COL4A2: variants seen among roughly 807,000 people sequenced by gnomAD.
COL4A2 encodes the protein collagen type IV alpha 2 chain, also known as collagen alpha-2(IV) chain.
Under a neutral mutation model 200.2 loss-of-function variants are expected in COL4A2, and 99 were observed. The ratio of observed to expected loss-of-function variants is 0.49; its 90% CI spans 0.42 to 0.58. COL4A2 has a LOEUF of 0.58. COL4A2 is among the 20% of genes least tolerant of loss of function. The probability of loss-of-function intolerance (pLI) is 0.00; values close to 1 mark genes in which losing one functional copy is unlikely to be tolerated. For missense variants in COL4A2, 1,950 were observed against 2,314.1 expected, an observed-to-expected ratio of 0.84 and a Z score of 3.23; for synonymous variants, 897 against 900.6, an observed-to-expected ratio of 1.00 and a Z score of 0.07.
At chr13:110,333,610 G>A (rs950794532) in intron 3 of COL4A2, among the ~76,000 whole-genome samples, 4 of 152,204 alleles carry the variant, frequency 2.6e-5, no homozygotes, top group Middle Eastern at 3.4e-3. Context: ...CCCTGGCTAC[G>A]ACCTACTGCA....
chr13:110,485,050 A>G (rs1445798126), intron 33 of COL4A2, 23 bp downstream of exon 33: 8 of 1,557,938 alleles, frequency 5.1e-6, no homozygotes, highest in South Asian at 1.2e-5. Context: ...ACCTGCAGCC[A>G]GGGGCCCCTA....
chr13:110,350,046 A>G (rs893926683), intron 3 of COL4A2, among the ~76,000 whole-genome samples: 3 of 152,186 alleles, frequency 2.0e-5, no homozygotes, highest in African/African-American at 7.2e-5. Flanking sequence ...TACAGGCGTG[A>G]GCCACCACAC....
At chr13:110,351,222 T>TGTTTGTTA (rs1876946043) in intron 3 of COL4A2, among the ~76,000 whole-genome samples, 1 of 150,742 alleles carries the variant, frequency 6.6e-6, no homozygotes, top group South Asian at 2.1e-4. Context: ...CTATTCTTTT[T>TGTTTGTTA]GTTTGTTTGT....
chr13:110,472,202 G>A (rs748214694), intron 28 of COL4A2, among the ~76,000 whole-genome samples: 5 of 150,046 alleles, frequency 3.3e-5, no homozygotes, highest in Admixed American at 6.7e-5. Flanking sequence ...TGCAAGCTCC[G>A]CCTCCCGGGT....
At chr13:110,479,374 G>GA in intron 30 of COL4A2, among the ~76,000 whole-genome samples, 1 of 10,836 alleles carries the variant, frequency 9.2e-5, no homozygotes. Flanking sequence ...GCAAGCCCAA[G>GA]GGGAGAAGTA....
chr13:110,493,169 C>A (rs766148104), intron 38 of COL4A2, 42 bp from the exon 39 acceptor site: 6 of 1,611,060 alleles, frequency 3.7e-6, no homozygotes, highest in Non-Finnish European at 5.1e-6. Context: ...TGAGTGACAC[C>A]CCCGCAGGTG....
chr13:110,314,438 G>A (rs139022285), intron 3 of COL4A2, among the ~76,000 whole-genome samples: 1 of 152,326 alleles, frequency 6.6e-6, no homozygotes, highest in East Asian at 1.9e-4. Context: ...GTGAACAGAA[G>A]TCTCTTCCAC....
At position 110,462,367 on chromosome 13, in the gene COL4A2, G is replaced by A. The variant is rs561349636; in HGVS notation, c.1759G>A (p.Gly587Ser). The change falls in exon 24 of 48, where the codon GGC (glycine) becomes AGC (serine). Residue 587 changes from glycine to serine, a missense_variant. Gly to Ser is a moderately conservative substitution (Grantham distance 56, BLOSUM62 0). This residue lies in a region of COL4A2 where 1,385 missense variants were observed against 1,720.5 expected (regional missense o/e 0.80). Coordinates refer to ENST00000360467, the MANE Select transcript of COL4A2 (RefSeq NM_001846.4). Reference protein sequence around the residue: ...PGRDGLDGFPGLPGPPGDGIK... With the variant: ...PGRDGLDGFPSLPGPPGDGIK... ...CCGCGATGGGCTCGATGGATTCCCCGGCCTCCCAGGCCCTCCCGTGAGTAG... is the reference window on the plus strand; with the variant it reads ...CCGCGATGGGCTCGATGGATTCCCCAGCCTCCCAGGCCCTCCCGTGAGTAG... 1.4e-5 allele frequency: 22 copies of A among 1,613,310 alleles called. No individual in the cohort carries two copies. The highest frequency in any genetic ancestry group is 3.3e-5 in the South Asian group (3 of 91,064).
intron 4 of COL4A2, among the ~76,000 whole-genome samples, chr13:110,388,226 G>A (rs1182963340): frequency 2.0e-5 from 3 of 152,178 alleles, no homozygotes; most frequent in Non-Finnish European, 2.9e-5. Context: ...CCAGGACGGC[G>A]GCAAGCGAGC....
Position 110,485,463 on chromosome 13 carries a change from T to C in COL4A2, c.3026-192T>C, listed in dbSNP as rs374566182. ...GCGTGAACCGGGGAGGCAGAGCTTG[T>C]AGTGAGCCGAGATTGCGCCACTGCA... On this transcript the variant is annotated intron_variant, in intron 33 of 47. Transcript: ENST00000360467. 8.9e-3 allele frequency among the ~76,000 whole-genome samples: 1,278 copies of C among 143,660 alleles called. 17 individuals are homozygous for C. Among genetic ancestry groups the C allele is most frequent in the Non-Finnish European group, 0.013 (878 of 67,182 alleles). 94.2% of individuals were successfully genotyped at this position (143,660 alleles called of 152,430 possible).
At chr13:110,378,146 T>C (rs1175524282) in intron 4 of COL4A2, among the ~76,000 whole-genome samples, 1 of 152,250 alleles carries the variant, frequency 6.6e-6, no homozygotes, top group Non-Finnish European at 1.5e-5. Flanking sequence ...TAGGCTTTTG[T>C]TCTATCTGAG....
chr13:110,378,744 C>T (rs914848015), intron 4 of COL4A2, among the ~76,000 whole-genome samples: 4 of 152,332 alleles, frequency 2.6e-5, no homozygotes, highest in Non-Finnish European at 4.4e-5. Context: ...AGCATTTGAA[C>T]GATACTTAGG....
At chr13:110,447,949 C>T (rs1234761790) in intron 18 of COL4A2, among the ~76,000 whole-genome samples, 1 of 152,172 alleles carries the variant, frequency 6.6e-6, no homozygotes, top group Admixed American at 6.5e-5. Context: ...TCATCCAATG[C>T]TGATCAAAAC....
chr13:110,434,760 C>T (rs538085130), intron 12 of COL4A2, among the ~76,000 whole-genome samples: 207 of 152,190 alleles, frequency 1.4e-3, no homozygotes, highest in African/African-American at 4.5e-3. Flanking sequence ...TGTGTGGAGC[C>T]CAGAGGTGAT....
intron 29 of COL4A2, among the ~76,000 whole-genome samples, chr13:110,475,302 G>A (rs1383131779): frequency 6.6e-6 from 1 of 152,226 alleles, no homozygotes; most frequent in Non-Finnish European, 1.5e-5. Context: ...GGGGCTCTGT[G>A]TGTCAGCCTT....
At chr13:110,384,008 G>A (rs974942304) in intron 4 of COL4A2, among the ~76,000 whole-genome samples, 4 of 152,210 alleles carry the variant, frequency 2.6e-5, no homozygotes, top group African/African-American at 7.2e-5. Context: ...GATGGAAGAA[G>A]GACTGCTGTG....
intron 4 of COL4A2, among the ~76,000 whole-genome samples, chr13:110,359,095 G>A (rs1447261710): frequency 6.6e-6 from 1 of 152,170 alleles, no homozygotes; most frequent in South Asian, 2.1e-4. Context: ...TTGTATCATT[G>A]CTAACAATTC....
intron 29 of COL4A2, among the ~76,000 whole-genome samples, chr13:110,474,342 C>T (rs1386294687): frequency 6.6e-5 from 10 of 152,022 alleles, no homozygotes; most frequent in Non-Finnish European, 1.3e-4. Context: ...CACTGGCAGG[C>T]GAACCCATGA....
intron 4 of COL4A2, among the ~76,000 whole-genome samples, chr13:110,394,308 A>G (rs1166318372): frequency 6.6e-6 from 1 of 152,134 alleles, no homozygotes; most frequent in African/African-American, 2.4e-5. Flanking sequence ...CCCCTTTAAC[A>G]TGAGGAGCAG....
Sources: gnomAD v4.1 joint callset for allele counts (sites outside exome capture counted in the v4.1 genomes callset) on GRCh38, gnomAD v4.1.1 for gene constraint, gnomAD v4.1.1 regional missense constraint, MANE v1.5 for transcripts, NCBI Gene and HGNC (gene_info 2026-07-23, HGNC 2026-07-21) for gene names.